Variants in SEMA5A observed in about 807,000 individuals in gnomAD.
SEMA5A encodes the protein semaphorin 5A, also known as semaphorin-5A.
Under a neutral mutation model 135.5 loss-of-function variants are expected in SEMA5A, and 55 were observed. The ratio of observed to expected loss-of-function variants is 0.41; its 90% confidence interval spans 0.33 to 0.51. The LOEUF is 0.51. Among genes scored for constraint, SEMA5A ranks in the 20% least tolerant of loss-of-function variants. The pLI is 0.37. For synonymous variants in SEMA5A, 580 were observed against 546.5 expected (o/e 1.06, Z -0.85); for missense variants, 1,290 against 1,419.9 (o/e 0.91, Z 1.47).
At chr5:9,186,406 TG>T (rs770282087) in intron 11 of SEMA5A, among the ~76,000 whole-genome samples, 6 of 152,180 alleles carry the variant, frequency 3.9e-5, no homozygotes, top group Non-Finnish European at 7.3e-5. Context: ...AAACAGCCAT[TG>T]GCTGGTTTCC....
At chr5:9,337,865 T>G in intron 3 of SEMA5A, 53 bp from the exon 4 acceptor site, 2 of 1,297,276 alleles carry the variant, frequency 1.5e-6, no homozygotes, top group Non-Finnish European at 2.2e-6. Context: ...ATTTTTCCTC[T>G]GGGGACCACA....
At chr5:9,145,376 T>C (rs934534390) in intron 12 of SEMA5A, among the ~76,000 whole-genome samples, 1 of 152,142 alleles carries the variant, frequency 6.6e-6, no homozygotes, top group Non-Finnish European at 1.5e-5. Flanking sequence ...TCCAGAACCA[T>C]CTGAATGCAA....
intron 18 of SEMA5A, among the ~76,000 whole-genome samples, chr5:9,054,673 T>C (rs1161794126): frequency 6.6e-6 from 1 of 152,190 alleles, no homozygotes; most frequent in African/African-American, 2.4e-5. Flanking sequence ...CTTTGCCATC[T>C]AACTAGCCAG....
intron 5 of SEMA5A, among the ~76,000 whole-genome samples, chr5:9,264,725 T>C (rs1486246419): frequency 6.6e-6 from 1 of 152,158 alleles, no homozygotes; most frequent in Non-Finnish European, 1.5e-5. Flanking sequence ...CAACCAGGAA[T>C]GGCAACATAA....
chr5:9,123,258 C>CAA (rs57533658), intron 13 of SEMA5A, among the ~76,000 whole-genome samples: 1,474 of 38,922 alleles, frequency 0.038, 517 homozygotes, highest in Non-Finnish European at 0.077. Flanking sequence ...GACTCCGCCT[C>CAA]AAAAAAAAAA....
At chr5:9,448,310 C>T (rs76552797) in intron 1 of SEMA5A, among the ~76,000 whole-genome samples, 5,317 of 152,306 alleles carry the variant, frequency 0.035, 128 homozygotes, top group South Asian at 0.066. Context: ...GATGTCCACT[C>T]TGTGGAACTA....
chr5:9,100,725 C>T (rs751424500), intron 16 of SEMA5A, among the ~76,000 whole-genome samples: 1 of 152,106 alleles, frequency 6.6e-6, no homozygotes, highest in Non-Finnish European at 1.5e-5. Flanking sequence ...CTCTCAGCTC[C>T]TATTCCCATG....
At chr5:9,364,748 A>G (rs900215068) in intron 3 of SEMA5A, among the ~76,000 whole-genome samples, 3 of 152,232 alleles carry the variant, frequency 2.0e-5, no homozygotes, top group Admixed American at 2.0e-4. Context: ...TGTTCATCTC[A>G]AAAGTCATAA....
chr5:9,212,915 A>G (rs40677), intron 8 of SEMA5A, among the ~76,000 whole-genome samples: 74 of 152,338 alleles, frequency 4.9e-4, no homozygotes, highest in Middle Eastern at 3.4e-3. Context: ...AAAAAATACC[A>G]TAAACTCGGC....
chr5:9,214,074 A>G (rs543670843), intron 8 of SEMA5A, among the ~76,000 whole-genome samples: 2 of 152,370 alleles, frequency 1.3e-5, no homozygotes, highest in South Asian at 4.1e-4. Context: ...TAGGAGCCAG[A>G]ATTAGCCAGG....
At chr5:9,073,564 C>G (rs1422619861) in intron 16 of SEMA5A, among the ~76,000 whole-genome samples, 2 of 152,064 alleles carry the variant, frequency 1.3e-5, no homozygotes, top group Non-Finnish European at 2.9e-5. Flanking sequence ...GATGTCTGTC[C>G]TTATCACTTT....
intron 2 of SEMA5A, among the ~76,000 whole-genome samples, chr5:9,430,570 G>A (rs1015552334): frequency 3.3e-5 from 5 of 152,240 alleles, no homozygotes; most frequent in African/African-American, 1.2e-4. Flanking sequence ...AGAGATATGA[G>A]GTCAGGCCAG....
intron 11 of SEMA5A, among the ~76,000 whole-genome samples, chr5:9,189,627 C>G (rs1744992027): frequency 6.6e-6 from 1 of 152,150 alleles, no homozygotes; most frequent in Non-Finnish European, 1.5e-5. Flanking sequence ...GACAAGCCCA[C>G]AGAGCTCAGC....
intron 1 of SEMA5A, among the ~76,000 whole-genome samples, chr5:9,476,642 C>A (rs1036645741): frequency 1.3e-4 from 20 of 152,188 alleles, no homozygotes; most frequent in Admixed American, 1.3e-3. Context: ...ACGCATCTCT[C>A]ACCTTACCCA....
chr5:9,226,442 C>A (rs1446853148), intron 7 of SEMA5A, among the ~76,000 whole-genome samples: 1 of 152,066 alleles, frequency 6.6e-6, no homozygotes, highest in African/African-American at 2.4e-5. Flanking sequence ...TTTTTACATA[C>A]TTCTTATCCA....
intron 11 of SEMA5A, among the ~76,000 whole-genome samples, chr5:9,168,318 G>T (rs1256197162): frequency 1.3e-5 from 2 of 152,170 alleles, no homozygotes; most frequent in African/African-American, 4.8e-5. Context: ...AACATTCTAG[G>T]TGACTCTAAC....
chr5:9,430,225 G>A (rs268480), intron 2 of SEMA5A, among the ~76,000 whole-genome samples: 37,370 of 152,100 alleles, frequency 0.25, 5,685 homozygotes, highest in African/African-American at 0.42. Context: ...TTAATAAAAT[G>A]AGGAACTCTA....
intron 16 of SEMA5A, among the ~76,000 whole-genome samples, chr5:9,096,428 C>T (rs1739317417): frequency 6.6e-6 from 1 of 152,116 alleles, no homozygotes; most frequent in Non-Finnish European, 1.5e-5. Flanking sequence ...TATTTCACAT[C>T]TAAGTGAGAT....
intron 4 of SEMA5A, among the ~76,000 whole-genome samples, chr5:9,331,642 A>T (rs943623313): frequency 6.6e-6 from 1 of 152,220 alleles, no homozygotes; most frequent in Non-Finnish European, 1.5e-5. Context: ...GTTTCTGGGA[A>T]GAATATTATA....
Sources: allele counts gnomAD v4.1 joint callset (sites outside exome capture counted in the v4.1 genomes callset), GRCh38; gene constraint gnomAD v4.1.1; transcripts MANE v1.5; gene names NCBI Gene and HGNC (gene_info 2026-07-23, HGNC 2026-07-21).